FAM135A: variants seen among roughly 807,000 people sequenced by gnomAD.
The protein encoded by FAM135A is protein FAM135A.
A neutral mutation model predicts 146.8 loss-of-function variants in FAM135A; 79 were observed. That is an observed-to-expected ratio of 0.54 (90% confidence interval 0.45 to 0.65). FAM135A has a LOEUF of 0.65. Ranked by LOEUF, FAM135A falls within the 30% of genes least tolerant of loss-of-function variation. The pLI is 0.00. For missense variants in FAM135A, 1,623 were observed against 1,758.2 expected (o/e 0.92, Z 1.38); for synonymous variants, 562 against 603.6 (o/e 0.93, Z 1.01).
intron 20 of FAM135A, among the ~76,000 whole-genome samples, chr6:70,540,209 A>C (rs1014369087): frequency 1.3e-5 from 2 of 151,688 alleles, no homozygotes; most frequent in Non-Finnish European, 2.9e-5. Context: ...GCTACACTGT[A>C]GTCCTGAAAT....
intron 4 of FAM135A, among the ~76,000 whole-genome samples, chr6:70,436,651 T>C (rs542552989): frequency 1.3e-5 from 2 of 152,320 alleles, no homozygotes; most frequent in East Asian, 3.9e-4. Flanking sequence ...TAATTGCCAA[T>C]GTGTATTCTT....
chr6:70,477,076 G>T, intron 7 of FAM135A, 83 bp from the exon 8 acceptor site: 9 of 1,341,232 alleles, frequency 6.7e-6, no homozygotes, highest in Non-Finnish European at 8.9e-6. Flanking sequence ...TAAGTAAATA[G>T]TTTTTATAGT....
At chr6:70,435,206 C>T (rs2127850198) in intron 4 of FAM135A, among the ~76,000 whole-genome samples, 1 of 150,518 alleles carries the variant, frequency 6.6e-6, no homozygotes, top group East Asian at 2.0e-4. Context: ...TGGGTTCAAG[C>T]AGTTCTCCCT....
chr6:70,486,576 T>C (rs1218901475), intron 10 of FAM135A, among the ~76,000 whole-genome samples: 2 of 152,194 alleles, frequency 1.3e-5, no homozygotes, highest in African/African-American at 2.4e-5. Flanking sequence ...TGACATCGCC[T>C]TAAATTTGCT....
At chr6:70,415,576 A>G (rs1767384327) in intron 2 of FAM135A, among the ~76,000 whole-genome samples, 200 bp downstream of exon 2, 2 of 152,190 alleles carry the variant, frequency 1.3e-5, no homozygotes, top group African/African-American at 4.8e-5. Flanking sequence ...TTTAAAAATG[A>G]TTTTTCAAAT....
In FAM135A at chr6:70,528,475, A is replaced by G. The variant is rs41265357; in HGVS notation, c.3775+23A>G. On this transcript the variant is annotated intron_variant, in intron 16 of 21. Transcript: ENST00000418814. ...ATGGTATGTGACATCTATGGATGTA[A>G]CCCAGAGCAACTCAATATATTTTTT... The G allele has an allele frequency of 8.8e-3, 13,309 of 1,510,564 alleles. 84 individuals carry two copies. The highest frequency in any genetic ancestry group is 0.011 in the Non-Finnish European group (12,019 of 1,130,600). 93.6% of individuals were successfully genotyped at this position (1,510,564 alleles called of 1,614,324 possible).
Position 70,524,968 on chromosome 6 carries a change from A to G in FAM135A, c.1884A>G (p.Thr628=), listed in dbSNP as rs761890962. 6.2e-7 allele frequency: 1 copy of G among 1,603,802 alleles called. No individual in the cohort carries two copies. Among genetic ancestry groups the G allele is most frequent in the Non-Finnish European group, 8.5e-7 (1 of 1,176,242 alleles). The part of the protein sequence containing the change: ...LDISQDDSEI[T]QMEHNLASRR... ...TCTCCCAGGACGATAGTGAAATTAC[A>G]CAAATGGAACACAATCTGGCATCCA... Residue 628 remains threonine, a synonymous_variant, in exon 15 of 22, where the codon ACA becomes ACG. Coordinates refer to ENST00000418814, the MANE Select transcript of FAM135A (RefSeq NM_001162529.3).
At chr6:70,451,179 A>T (rs1041035903) in intron 4 of FAM135A, among the ~76,000 whole-genome samples, 2 of 152,170 alleles carry the variant, frequency 1.3e-5, no homozygotes, top group Admixed American at 6.5e-5. Flanking sequence ...ATGTCTCCAA[A>T]TTTTGTCAAA....
intron 2 of FAM135A, among the ~76,000 whole-genome samples, chr6:70,426,119 A>AAAAAAC (rs374741721): frequency 1.0e-4 from 15 of 150,420 alleles, no homozygotes; most frequent in African/African-American, 3.7e-4. Context: ...CAAAAAAAAA[A>AAAAAAC]AACAACAACA....
chr6:70,472,422 T>A (rs1361942389), intron 5 of FAM135A, among the ~76,000 whole-genome samples: 1 of 152,164 alleles, frequency 6.6e-6, no homozygotes, highest in Non-Finnish European at 1.5e-5. Flanking sequence ...AGAACTTTTT[T>A]TCCTGAACCA....
At chr6:70,428,464 C>G (rs777315159) in intron 4 of FAM135A, 45 bp downstream of exon 4, 1 of 1,324,612 alleles carries the variant, frequency 7.5e-7, no homozygotes, top group Non-Finnish European at 1.0e-6. Flanking sequence ...ATAAGATGTA[C>G]AGTTTAAATT....
Position 70,475,631 on chromosome 6 carries a change from A to G in FAM135A, c.298-32A>G, listed in dbSNP as rs746421039. ...TATTTCTAACTTTCTATAAAATTTC[A>G]AAAAGTATCTCATAGTGTAATTTCT... On this transcript the variant is annotated intron_variant, in intron 6 of 21. Transcript: ENST00000418814. 1.1e-5 allele frequency: 17 copies of G among 1,591,906 alleles called. No homozygotes were observed. In the East Asian group the frequency reaches 3.1e-4, roughly 29 times the overall value.
intron 10 of FAM135A, among the ~76,000 whole-genome samples, chr6:70,484,169 C>T (rs1317573307): frequency 6.6e-6 from 1 of 152,172 alleles, no homozygotes; most frequent in Non-Finnish European, 1.5e-5. Flanking sequence ...TTTGACTTCT[C>T]CTGTTCCCTC....
intron 20 of FAM135A, among the ~76,000 whole-genome samples, chr6:70,554,824 G>A (rs976326349): frequency 2.4e-4 from 36 of 152,090 alleles, no homozygotes; most frequent in Admixed American, 3.3e-4. Flanking sequence ...GATGGGTTTC[G>A]CCATGTTGGC....
chr6:70,452,576 G>T lies in FAM135A; in HGVS notation c.157+5G>T. 1 of 1,556,548 alleles carries T rather than the reference G, an allele frequency of 6.4e-7. No homozygotes were observed. The highest frequency in any genetic ancestry group is 2.2e-5 in the Admixed American group (1 of 45,094). On this transcript the variant is annotated splice_donor_5th_base_variant and intron_variant, in intron 5 of 21. Coordinates refer to ENST00000418814, the MANE Select transcript of FAM135A (RefSeq NM_001162529.3). ...CTAGTTTGTTGCATGCAACAGGTAAGCCAAAGAATACATTCAAATTTAAAA... is the reference window on the plus strand; with the variant it reads ...CTAGTTTGTTGCATGCAACAGGTAATCCAAAGAATACATTCAAATTTAAAA...
intron 12 of FAM135A, among the ~76,000 whole-genome samples, chr6:70,519,014 C>A (rs1792928932): frequency 6.6e-6 from 1 of 152,122 alleles, no homozygotes; most frequent in Non-Finnish European, 1.5e-5. Flanking sequence ...ATGGTGATTC[C>A]TCTGGTGGAT....
At chr6:70,514,241 ACT>A (rs1208082243) in intron 12 of FAM135A, among the ~76,000 whole-genome samples, 2 of 151,796 alleles carry the variant, frequency 1.3e-5, no homozygotes, top group Non-Finnish European at 2.9e-5. Context: ...AGATTCATTA[ACT>A]CTTTTCTGTA....
At chr6:70,505,933 G>T (rs1418276381) in intron 12 of FAM135A, among the ~76,000 whole-genome samples, 1 of 151,976 alleles carries the variant, frequency 6.6e-6, no homozygotes, top group East Asian at 1.9e-4. Context: ...CTTCTTTAAA[G>T]GGCTAAATAA....
intron 1 of FAM135A, among the ~76,000 whole-genome samples, chr6:70,415,003 G>T (rs1231492743): frequency 6.6e-6 from 1 of 151,996 alleles, no homozygotes; most frequent in East Asian, 1.9e-4. Flanking sequence ...ATTTGCTATT[G>T]CAATTGATTG....
Sources: gnomAD v4.1 joint callset for allele counts (sites outside exome capture counted in the v4.1 genomes callset) on GRCh38, gnomAD v4.1.1 for gene constraint, MANE v1.5 for transcripts, NCBI Gene and HGNC (gene_info 2026-07-23, HGNC 2026-07-21) for gene names.